PPP6R3: variants seen among roughly 807,000 people sequenced by gnomAD.
PPP6R3 encodes the protein protein phosphatase 6 regulatory subunit 3.
Under a neutral mutation model 110.7 loss-of-function variants are expected in PPP6R3, and 38 were observed. The observed-to-expected ratio is 0.34, with a 90% CI of 0.26 to 0.45. The LOEUF (loss-of-function observed/expected upper bound fraction) is 0.45, where lower values mean the gene tolerates loss of function less well. PPP6R3 is among the 20% of genes least tolerant of loss of function. The pLI is 1.00. For missense variants in PPP6R3, 870 were observed against 1,062.4 expected (o/e 0.82, Z 2.52); for synonymous variants, 369 against 373.5 (o/e 0.99, Z 0.14).
intron 14 of PPP6R3, among the ~76,000 whole-genome samples, chr11:68,581,006 C>A (rs896871169): frequency 6.9e-6 from 1 of 145,392 alleles, no homozygotes; most frequent in Non-Finnish European, 1.5e-5. Context: ...CTCCTGACCT[C>A]GTGATCCGCC....
chr11:68,600,386 A>T lies in PPP6R3; in HGVS notation c.2084A>T (p.His695Leu), dbSNP rs1423804715. The T allele has an allele frequency of 6.2e-7, 1 of 1,613,926 alleles. No homozygotes were observed. Among genetic ancestry groups the T allele is most frequent in the African/African-American group, 1.3e-5 (1 of 74,908 alleles). ...TTTGATGTCCCAATGGAAACAACCC[A>T]CGGTGCTCCATTGGATTCTGTGGGA... is the stretch of plus-strand genomic sequence containing the variant. ...ANFDVPMETT[H>L]GAPLDSVGSD... The change falls in exon 20 of 24, where the codon CAC (histidine) becomes CTC (leucine). Residue 695 changes from histidine (H) to leucine (L), a missense_variant. Transcript: ENST00000393800.
chr11:68,565,647 TTCTG>T (rs1328557993), intron 9 of PPP6R3, among the ~76,000 whole-genome samples: 2 of 152,030 alleles, frequency 1.3e-5, no homozygotes, highest in Admixed American at 6.5e-5. Context: ...CCCATCTTCT[TTCTG>T]GGTGGACAAA....
At position 68,613,529 on chromosome 11, in the gene PPP6R3, C is replaced by T. The variant is rs1944510726; in HGVS notation, c.*412C>T. 3 of 987,390 alleles carry T rather than the reference C, an allele frequency of 3.0e-6. No homozygotes were observed. Among genetic ancestry groups the T allele is most frequent in the African/African-American group, 1.7e-5 (1 of 57,420 alleles). The allele number at this position is 987,390 out of a possible 1,614,324, so 61.2% of individuals were successfully genotyped here. On this transcript the variant is annotated 3_prime_UTR_variant, in exon 24 of 24. Transcript: ENST00000393800. ...ACCAAAGTATTAGGCGGTTTTCATACATTTTTCACCTTGTACAAAATTATG... is the reference window on the plus strand; with the variant it reads ...ACCAAAGTATTAGGCGGTTTTCATATATTTTTCACCTTGTACAAAATTATG...
intron 1 of PPP6R3, among the ~76,000 whole-genome samples, chr11:68,465,028 C>T (rs2098735879): frequency 2.6e-5 from 4 of 151,904 alleles, no homozygotes; most frequent in Admixed American, 2.0e-4. Context: ...ATTACAGGTG[C>T]GTGCCACCAC....
At chr11:68,558,380 G>A (rs796350231) in intron 7 of PPP6R3, 186 bp from the exon 8 acceptor site, 8 of 422,978 alleles carry the variant, frequency 1.9e-5, no homozygotes, top group African/African-American at 1.5e-4. Context: ...GTGTGCGGGT[G>A]CATGTGTGTA....
chr11:68,502,856 T>C (rs2099055331), intron 1 of PPP6R3, among the ~76,000 whole-genome samples: 1 of 152,258 alleles, frequency 6.6e-6, no homozygotes. Context: ...AAATGTCTAC[T>C]AGTCATTGGG....
At position 68,588,156 on chromosome 11, in the gene PPP6R3, C is replaced by T. The variant is rs1593674337; in HGVS notation, c.1730+132C>T. ...GGAACCTGCTCTTTCCACGGTGTTC[C>T]TCTAGTTCCAGCAGATTGGCCCTGG... On this transcript the variant is annotated intron_variant, in intron 16 of 23. Transcript: ENST00000393800. 6 of 797,602 alleles carry T rather than the reference C, an allele frequency of 7.5e-6. No individual in the cohort carries two copies. The South Asian group carries it at 9.3e-5, about 12-fold the overall frequency. 49.4% of individuals were successfully genotyped at this position (797,602 alleles called of 1,614,324 possible). A position where few individuals can be genotyped will look rare whatever the true frequency, so the allele number is the denominator to read the frequency against.
At chr11:68,469,648 A>G (rs1265732469) in intron 1 of PPP6R3, among the ~76,000 whole-genome samples, 1 of 151,852 alleles carries the variant, frequency 6.6e-6, no homozygotes, top group East Asian at 1.9e-4. Context: ...CAAAGTGCTG[A>G]GATAACAGGT....
In PPP6R3 at chr11:68,465,726, CAA is replaced by C. The variant is rs35462219; in HGVS notation, c.-158+4900_-158+4901del. Among the ~76,000 whole-genome samples the C allele has an allele frequency of 3.6e-3, 543 of 152,278 alleles. 3 individuals carry two copies. Among genetic ancestry groups the C allele is most frequent in the African/African-American group, 0.012 (496 of 41,556 alleles). On this transcript the variant is annotated intron_variant, in intron 1 of 23. Coordinates refer to ENST00000393800, the MANE Select transcript of PPP6R3 (RefSeq NM_001164161.2). ...CCTGCAGTCTAGAGGAAGAGGCAAA[CAA>C]GAGACGACAAAGCTGTTAAGAATTG...
chr11:68,612,514 T>C (rs1944027575), intron 23 of PPP6R3, among the ~76,000 whole-genome samples: 1 of 152,214 alleles, frequency 6.6e-6, no homozygotes, highest in Non-Finnish European at 1.5e-5. Flanking sequence ...CCACCTGTTA[T>C]TCCCTCCCAG....
At chr11:68,538,218 A>G (rs1319698607) in intron 3 of PPP6R3, among the ~76,000 whole-genome samples, 3 of 152,064 alleles carry the variant, frequency 2.0e-5, no homozygotes, top group Non-Finnish European at 4.4e-5. Context: ...TGATGTGACT[A>G]TGCAGAATCG....
At chr11:68,527,456 C>A (rs1168235783) in intron 2 of PPP6R3, among the ~76,000 whole-genome samples, 1 of 152,180 alleles carries the variant, frequency 6.6e-6, no homozygotes, top group Non-Finnish European at 1.5e-5. Context: ...CCCCTTCTTT[C>A]CTGTCCCATA....
chr11:68,499,388 A>C (rs562116395), intron 1 of PPP6R3, among the ~76,000 whole-genome samples: 16 of 152,300 alleles, frequency 1.1e-4, no homozygotes, highest in African/African-American at 3.6e-4. Context: ...GGTCGTTTTC[A>C]CATCGGCTTT....
At chr11:68,517,452 C>T (rs1002324328) in intron 1 of PPP6R3, among the ~76,000 whole-genome samples, 2 of 152,142 alleles carry the variant, frequency 1.3e-5, no homozygotes, top group African/African-American at 2.4e-5. Context: ...TTACATCCCC[C>T]ACTAAAAGGA....
intron 22 of PPP6R3, among the ~76,000 whole-genome samples, chr11:68,603,860 A>C (rs1347419487): frequency 2.0e-5 from 3 of 152,224 alleles, no homozygotes; most frequent in African/African-American, 7.2e-5. Flanking sequence ...ACTTATTTTC[A>C]GTAACATACA....
chr11:68,466,583 G>A (rs1333093547), intron 1 of PPP6R3, among the ~76,000 whole-genome samples: 1 of 133,640 alleles, frequency 7.5e-6, no homozygotes, highest in Admixed American at 7.3e-5. Context: ...GGACTACAGG[G>A]GCCGGCCACC....
intron 1 of PPP6R3, among the ~76,000 whole-genome samples, chr11:68,481,491 C>T (rs936231165): frequency 1.3e-5 from 2 of 152,166 alleles, no homozygotes; most frequent in Admixed American, 6.5e-5. Context: ...CTTCAAAGAG[C>T]CAAGCTTGAT....
At chr11:68,590,773 T>TG in intron 17 of PPP6R3, 59 bp downstream of exon 17, 1 of 1,470,006 alleles carries the variant, frequency 6.8e-7, no homozygotes. Context: ...ATTGGGTGAG[T>TG]CCCTGTGTGG....
intron 1 of PPP6R3, among the ~76,000 whole-genome samples, chr11:68,498,062 A>T (rs1273570863): frequency 6.6e-6 from 1 of 152,152 alleles, no homozygotes; most frequent in Non-Finnish European, 1.5e-5. Context: ...TTTCTATTAT[A>T]AGCTCTTTGG....
Sources: gnomAD v4.1 joint callset for allele counts (sites outside exome capture counted in the v4.1 genomes callset) on GRCh38, gnomAD v4.1.1 for gene constraint, MANE v1.5 for transcripts, NCBI Gene and HGNC (gene_info 2026-07-23, HGNC 2026-07-21) for gene names.